The following CARS2 variants were observed in gnomAD, a reference collection of about 807,000 sequenced individuals.
CARS2 encodes probable cysteine--tRNA ligase, mitochondrial.
Under a neutral mutation model 68.8 loss-of-function variants are expected in CARS2, and 52 were observed. The ratio of observed to expected loss-of-function variants is 0.76; its 90% CI spans 0.61 to 0.95. The LOEUF is 0.95. CARS2 is among the 40% of genes least tolerant of loss of function. The pLI is 0.00. For missense variants in CARS2, 780 were observed against 754.2 expected, an observed-to-expected ratio of 1.03 and a Z score of -0.40; for synonymous variants, 314 against 303.6, an observed-to-expected ratio of 1.03 and a Z score of -0.36.
chr13:110,682,016 C>G (rs1333193097), intron 6 of CARS2, among the ~76,000 whole-genome samples: 1 of 152,050 alleles, frequency 6.6e-6, no homozygotes, highest in African/African-American at 2.4e-5. Context: ...TATACATTCA[C>G]CCAAACCCAG....
At chr13:110,679,602 AGAG>A (rs1566712656) in intron 6 of CARS2, among the ~76,000 whole-genome samples, 9 of 100,414 alleles carry the variant, frequency 9.0e-5, no homozygotes, top group African/African-American at 2.5e-4. Context: ...AAAGAAAGAG[AGAG>A]AGAGAGAGAG....
At chr13:110,647,020 T>G in intron 11 of CARS2, 81 bp downstream of exon 11, 1 of 1,453,476 alleles carries the variant, frequency 6.9e-7, no homozygotes, top group Non-Finnish European at 9.1e-7. Flanking sequence ...TGGGGGCCCC[T>G]CTTCCCCTTC....
rs1378101411 is a variant in CARS2 at position 110,653,908 on chromosome 13, A to G, written c.988-2808T>C. On this transcript the variant is annotated intron_variant, in intron 9 of 14. Coordinates refer to ENST00000257347, the MANE Select transcript of CARS2 (RefSeq NM_024537.4). This position sits in a 1 kb window ranked among gnomAD's most constrained non-coding sequence, Gnocchi z 5.6. ...TGCCGGCTGATATCAGCAAGTTTCT[A>G]TACTACTCCGGTTCCACCGTGCAAC... Among the ~76,000 whole-genome samples, 5 of 152,222 alleles carry G rather than the reference A, an allele frequency of 3.3e-5. No individual in the cohort carries two copies. The highest frequency in any genetic ancestry group is 5.9e-5 in the Non-Finnish European group (4 of 68,048).
chr13:110,679,590 AG>A (rs2063086315), intron 6 of CARS2, among the ~76,000 whole-genome samples: 2 of 10,584 alleles, frequency 1.9e-4, no homozygotes, highest in African/African-American at 3.1e-4. Context: ...AAAGAAAGAA[AG>A]AAAGAAAGAG....
chr13:110,702,059 C>T (rs754341908), intron 2 of CARS2, among the ~76,000 whole-genome samples: 1 of 152,230 alleles, frequency 6.6e-6, no homozygotes, highest in Non-Finnish European at 1.5e-5. Flanking sequence ...TTATATACTA[C>T]ACTGGGGTAA....
chr13:110,642,960 C>T (rs572414927), intron 13 of CARS2: 105 of 374,074 alleles, frequency 2.8e-4, no homozygotes, highest in African/African-American at 1.9e-3. Flanking sequence ...GTGCTGAGGA[C>T]GGGATTTGCG....
At chr13:110,646,190 A>C (rs1888096133) in intron 11 of CARS2, 100 bp from the exon 12 acceptor site, 1 of 1,381,974 alleles carries the variant, frequency 7.2e-7, no homozygotes, top group Admixed American at 2.4e-5. Context: ...TGGGGGCTCT[A>C]ATCTGGGGAC....
intron 6 of CARS2, chr13:110,678,024 A>G (rs7335889): frequency 0.66 from 100,912 of 151,996 alleles, 34,774 homozygotes; most frequent in Non-Finnish European, 0.76. Flanking sequence ...CTTCTCGTTC[A>G]CTCCTGTTTC....
In CARS2 at chr13:110,706,023, GC is replaced by G; in HGVS notation, c.70del (p.Ala24LeufsTer42). On this transcript the variant is annotated frameshift_variant, in exon 1 of 15. Coordinates refer to ENST00000257347, the MANE Select transcript of CARS2 (RefSeq NM_024537.4). LOFTEE classifies it high-confidence loss of function. ...LLQAALGLGR[A>X]GWHWPAGRAA... ...CCGGCCCGCAGGCCAGTGCCACCCA[GC>G]CCGCCCAAGGCCCAGCGCGGCCTGG... 1 of 1,433,222 alleles carries G rather than the reference GC, an allele frequency of 7.0e-7. No individual in the cohort carries two copies. The highest frequency in any genetic ancestry group is 9.1e-7 in the Non-Finnish European group (1 of 1,097,786). The allele number at this position is 1,433,222 out of a possible 1,614,324, so 88.8% of individuals were successfully genotyped here.
At chr13:110,671,168 A>T (rs938730425) in intron 7 of CARS2, among the ~76,000 whole-genome samples, 5 of 152,248 alleles carry the variant, frequency 3.3e-5, no homozygotes, top group Non-Finnish European at 5.9e-5. Context: ...GAACTTCCCC[A>T]ACCTGACAAG....
intron 5 of CARS2, among the ~76,000 whole-genome samples, chr13:110,685,967 C>T (rs191948683): frequency 8.0e-6 from 1 of 124,356 alleles, no homozygotes; most frequent in East Asian, 2.5e-4. Flanking sequence ...AGTCTTGAAT[C>T]TACATGTGCT....
intron 9 of CARS2, among the ~76,000 whole-genome samples, chr13:110,652,419 C>G (rs549957797): frequency 5.3e-5 from 8 of 152,372 alleles, no homozygotes; most frequent in South Asian, 4.1e-4. Flanking sequence ...GCTCAACAAC[C>G]CTACTGAGAG....
intron 2 of CARS2, among the ~76,000 whole-genome samples, chr13:110,703,871 T>C (rs1313179377): frequency 1.3e-5 from 2 of 152,226 alleles, no homozygotes; most frequent in Non-Finnish European, 2.9e-5. Context: ...TCCAAATTCA[T>C]GGTTGAAACC....
At chr13:110,671,668 A>G (rs1276660899) in intron 7 of CARS2, among the ~76,000 whole-genome samples, 1 of 152,230 alleles carries the variant, frequency 6.6e-6, no homozygotes, top group Non-Finnish European at 1.5e-5. Context: ...AACGAGCAAA[A>G]TAACCAGCTA....
At chr13:110,711,194 C>T (rs2064023844), upstream of CARS2, among the ~76,000 whole-genome samples, 1 of 151,854 alleles carries the variant, frequency 6.6e-6, no homozygotes, top group African/African-American at 2.4e-5. Flanking sequence ...TTTGTTTCCA[C>T]ATAATGTTAT....
intron 9 of CARS2, among the ~76,000 whole-genome samples, chr13:110,662,289 C>A (rs634472): frequency 1.7e-5 from 2 of 116,784 alleles, no homozygotes; most frequent in Admixed American, 9.9e-5. Flanking sequence ...CTCCGACCCC[C>A]CTCTGCGTCA....
chr13:110,683,867 C>CA (rs2063222907), intron 5 of CARS2, among the ~76,000 whole-genome samples: 1 of 152,216 alleles, frequency 6.6e-6, no homozygotes, highest in Non-Finnish European at 1.5e-5. Context: ...AAAAAACACA[C>CA]AAAAAAATCA....
At chr13:110,675,045 A>AG (rs1455065502) in intron 7 of CARS2, among the ~76,000 whole-genome samples, 1 of 150,818 alleles carries the variant, frequency 6.6e-6, no homozygotes, top group Non-Finnish European at 1.5e-5. Context: ...CAATCATTAA[A>AG]ACTCAGGAAA....
Position 110,683,046 on chromosome 13 carries a change from C to T in CARS2, c.655+5G>A. On this transcript the variant is annotated splice_donor_5th_base_variant and intron_variant, in intron 6 of 14. Transcript: ENST00000257347. ...GACCCACAGGGCTGAGCCCGGCCAACCCACCTGGCTCTCCGACTGGACCAG... is the reference window on the plus strand; with the variant it reads ...GACCCACAGGGCTGAGCCCGGCCAATCCACCTGGCTCTCCGACTGGACCAG... 4.4e-6 allele frequency: 7 copies of T among 1,596,422 alleles called. No individual in the cohort carries two copies. Among genetic ancestry groups the T allele is most frequent in the Non-Finnish European group, 6.0e-6 (7 of 1,173,842 alleles).
Sources: gnomAD v4.1 joint callset for allele counts (sites outside exome capture counted in the v4.1 genomes callset) on GRCh38, gnomAD v4.1.1 for gene constraint, Gnocchi (gnomAD v3.1) non-coding constraint, MANE v1.5 for transcripts, NCBI Gene and HGNC (gene_info 2026-07-23, HGNC 2026-07-21) for gene names.